PTPRD: variants seen among roughly 807,000 people sequenced by gnomAD.
PTPRD encodes receptor-type tyrosine-protein phosphatase delta.
PTPRD carries 34 observed loss-of-function variants against 214.5 expected under a neutral mutation model. The observed-to-expected ratio is 0.16, with a 90% CI of 0.12 to 0.21. The LOEUF (loss-of-function observed/expected upper bound fraction) is 0.21. Ranked by LOEUF, PTPRD falls within the 10% of genes least tolerant of loss-of-function variation. PTPRD has a pLI of 1.00. For missense variants in PTPRD, 2,545 were observed against 2,398.7 expected (o/e 1.06, Z -1.27); for synonymous variants, 1,128 against 845.7 (o/e 1.33, Z -5.79).
intron 8 of PTPRD, among the ~76,000 whole-genome samples, chr9:9,556,847 C>A (rs2081636660): frequency 6.6e-6 from 1 of 152,114 alleles, no homozygotes; most frequent in Non-Finnish European, 1.5e-5. Flanking sequence ...CTTGCAGGGT[C>A]CTTTCGTTAT....
At chr9:9,881,029 T>G (rs956186956) in intron 5 of PTPRD, among the ~76,000 whole-genome samples, 1 of 152,178 alleles carries the variant, frequency 6.6e-6, no homozygotes, top group Admixed American at 6.6e-5. Context: ...TGAAAAACAT[T>G]TCTAGTTAAA....
intron 3 of PTPRD, among the ~76,000 whole-genome samples, chr9:10,183,662 A>C (rs1409231651): frequency 6.6e-6 from 1 of 152,186 alleles, no homozygotes; most frequent in Non-Finnish European, 1.5e-5. Context: ...TTAAAAAGTA[A>C]AGGAAAAGAG....
intron 2 of PTPRD, among the ~76,000 whole-genome samples, chr9:10,589,119 G>A (rs1304948563): frequency 1.3e-5 from 2 of 152,026 alleles, no homozygotes; most frequent in African/African-American, 4.8e-5. Context: ...TTAGCTGTAG[G>A]TAAAGTTGAA....
chr9:9,955,445 A>G lies in PTPRD; in HGVS notation c.-471-16835T>C, dbSNP rs188908614. On this transcript the variant is annotated intron_variant, in intron 4 of 45. Transcript: ENST00000381196. ...TCTTCTTACCGTTTGTTATATATCA[A>G]TTTGGTACCCAACTTTACATTGGCC... 7.9e-5 allele frequency among the ~76,000 whole-genome samples: 12 copies of G among 151,998 alleles called. No homozygotes were observed. In the East Asian group the frequency reaches 1.4e-3, roughly 17 times the overall value.
rs181926931 is a variant in PTPRD, at chr9:8,754,274, A to G, written c.-103-20328T>C. Among the ~76,000 whole-genome samples the G allele has an allele frequency of 6.1e-3, 935 of 152,366 alleles. 10 individuals are homozygous for G. The highest frequency in any genetic ancestry group is 9.2e-3 in the Non-Finnish European group (628 of 68,040). On this transcript the variant is annotated intron_variant, in intron 11 of 45. Transcript: ENST00000381196. Reference sequence around the variant, plus strand: ...AAAAACTAATTTTATAATTTATAAGAAAATGCAAAAACACAAGAATAGCCA... The same window carrying G: ...AAAAACTAATTTTATAATTTATAAGGAAATGCAAAAACACAAGAATAGCCA...
chr9:9,826,720 A>G (rs1318877684), intron 5 of PTPRD, among the ~76,000 whole-genome samples: 1 of 151,918 alleles, frequency 6.6e-6, no homozygotes, highest in Non-Finnish European at 1.5e-5. Context: ...GCAAAGAGGG[A>G]CAATTTGACT....
At chr9:10,601,114 C>T (rs2077852129) in intron 2 of PTPRD, among the ~76,000 whole-genome samples, 1 of 151,576 alleles carries the variant, frequency 6.6e-6, no homozygotes, top group Non-Finnish European at 1.5e-5. Flanking sequence ...CTTAACATTA[C>T]CCTACATTAA....
At chr9:9,106,233 T>C (rs951631715) in intron 10 of PTPRD, among the ~76,000 whole-genome samples, 1 of 152,034 alleles carries the variant, frequency 6.6e-6, no homozygotes, top group East Asian at 1.9e-4. Context: ...ATTCTCCCCA[T>C]GCATCTCAGT....
chr9:8,652,904 G>A (rs887963119), intron 12 of PTPRD, among the ~76,000 whole-genome samples: 1 of 152,182 alleles, frequency 6.6e-6, no homozygotes, highest in Non-Finnish European at 1.5e-5. Context: ...TGTGAGATAA[G>A]CCTTTATTCC....
chr9:9,574,509 A>G (rs758686204), intron 8 of PTPRD, among the ~76,000 whole-genome samples: 1 of 152,084 alleles, frequency 6.6e-6, no homozygotes, highest in Non-Finnish European at 1.5e-5. Context: ...ATGCCTTAAA[A>G]TTTACATAGA....
chr9:9,293,638 A>G (rs1595317909), intron 9 of PTPRD, among the ~76,000 whole-genome samples: 1 of 151,572 alleles, frequency 6.6e-6, no homozygotes, highest in African/African-American at 2.4e-5. Flanking sequence ...ATACCGTAAT[A>G]CCCCCTTATC....
chr9:8,539,331 T>A (rs947338454), intron 14 of PTPRD, among the ~76,000 whole-genome samples: 1 of 151,930 alleles, frequency 6.6e-6, no homozygotes, highest in Non-Finnish European at 1.5e-5. Flanking sequence ...AGTATGCAAT[T>A]AGAAACCAAA....
intron 2 of PTPRD, among the ~76,000 whole-genome samples, chr9:10,522,964 G>A (rs2052862911): frequency 6.6e-6 from 1 of 151,808 alleles, no homozygotes; most frequent in Non-Finnish European, 1.5e-5. Flanking sequence ...TCTGTGAGGG[G>A]GTTCATAAAT....
chr9:9,682,163 C>T (rs989747727), intron 7 of PTPRD, among the ~76,000 whole-genome samples: 12 of 151,678 alleles, frequency 7.9e-5, no homozygotes, highest in African/African-American at 2.7e-4. Context: ...ATTTTATAAG[C>T]CAGATTGCTA....
rs553452778 is a variant in PTPRD at position 9,301,638 on chromosome 9, G to C, written c.-203+95811C>G. Among the ~76,000 whole-genome samples, 18 of 151,934 alleles carry C rather than the reference G, an allele frequency of 1.2e-4. No homozygotes were observed. The South Asian group carries it at 3.5e-3, about 30-fold the overall frequency. ...ATTGCTTTTACTGAAGCCGACTTTT[G>C]ATGGAACACTAATCTGATTTGTCTC... is the stretch of plus-strand genomic sequence containing the variant. On this transcript the variant is annotated intron_variant, in intron 9 of 45. Coordinates refer to ENST00000381196, the MANE Select transcript of PTPRD (RefSeq NM_002839.4).
intron 11 of PTPRD, among the ~76,000 whole-genome samples, chr9:8,978,938 G>A (rs376905591): frequency 1.3e-5 from 2 of 152,010 alleles, no homozygotes; most frequent in South Asian, 2.1e-4. Flanking sequence ...GACTTTGAAC[G>A]ACATTCATTT....
intron 3 of PTPRD, among the ~76,000 whole-genome samples, chr9:10,054,909 G>T (rs543215526): frequency 1.3e-5 from 2 of 152,038 alleles, no homozygotes; most frequent in Non-Finnish European, 2.9e-5. Context: ...TGGGGGTGGG[G>T]TCTTTAGGAG....
chr9:10,377,511 A>G (rs1370296994), intron 2 of PTPRD, among the ~76,000 whole-genome samples: 1 of 151,598 alleles, frequency 6.6e-6, no homozygotes, highest in Non-Finnish European at 1.5e-5. Context: ...TCATTGTTCA[A>G]TTCCCACCTA....
chr9:8,371,061 G>C (rs1392517), intron 39 of PTPRD, among the ~76,000 whole-genome samples: 63,663 of 151,604 alleles, frequency 0.42, 18,401 homozygotes, highest in African/African-American at 0.79. Flanking sequence ...TATTAGTATT[G>C]CTACAAAATG....
Sources: allele counts gnomAD v4.1 joint callset (sites outside exome capture counted in the v4.1 genomes callset), GRCh38; gene constraint gnomAD v4.1.1; transcripts MANE v1.5; gene names NCBI Gene and HGNC (gene_info 2026-07-23, HGNC 2026-07-21).